The following DNAH5 variants were observed in gnomAD, a reference collection of about 807,000 sequenced individuals.
DNAH5 encodes the protein axonemal beta dynein heavy chain 5.
A neutral mutation model predicts 518.2 loss-of-function variants in DNAH5; 372 were observed. That is an observed-to-expected ratio of 0.72 (90% CI 0.66 to 0.78). DNAH5 has a LOEUF of 0.78. Ranked by LOEUF, DNAH5 falls within the 30% of genes least tolerant of loss-of-function variation. The pLI is 0.00. For synonymous variants in DNAH5, 2,039 were observed against 2,025.9 expected (o/e 1.01, Z -0.17); for missense variants, 5,523 against 5,687.0 (o/e 0.97, Z 0.93).
intron 1 of DNAH5, among the ~76,000 whole-genome samples, chr5:13,999,879 T>C (rs1378325570): frequency 3.3e-5 from 5 of 152,248 alleles, no homozygotes; most frequent in African/African-American, 9.6e-5. Context: ...TGCTGTTTTA[T>C]GATAGCCATC....
chr5:14,009,431 A>T (rs1581168940), intron 1 of DNAH5, among the ~76,000 whole-genome samples: 2 of 152,242 alleles, frequency 1.3e-5, no homozygotes, highest in South Asian at 4.1e-4. Context: ...ACATTCTGTG[A>T]AAGTGACATT....
intron 55 of DNAH5, among the ~76,000 whole-genome samples, chr5:13,775,939 A>G (rs1250053720): frequency 2.0e-5 from 3 of 151,712 alleles, no homozygotes; most frequent in Non-Finnish European, 4.4e-5. Flanking sequence ...TTTCTTTTAA[A>G]ATATCAACAG....
rs1740667166 is a variant in DNAH5 at position 13,691,276 on chromosome 5, G to A, written c.*708C>T. 6.6e-6 allele frequency: 1 copy of A among 152,136 alleles called. No individual in the cohort carries two copies. Among genetic ancestry groups the A allele is most frequent in the Non-Finnish European group, 1.5e-5 (1 of 68,022 alleles). The allele number at this position is 152,136 out of a possible 1,614,324, so 9.4% of individuals were successfully genotyped here. A position where few individuals can be genotyped will look rare whatever the true frequency, so the allele number is the denominator to read the frequency against. ...TTTAATCATTTTACAAAAAGGTTGG[G>A]TTGATTTACATTGCTCCAGCAATTT... is the stretch of plus-strand genomic sequence containing the variant. On this transcript the variant is annotated 3_prime_UTR_variant, in exon 79 of 79. Transcript: ENST00000265104.
chr5:13,806,913 A>G (rs1040492512), intron 47 of DNAH5, among the ~76,000 whole-genome samples: 1 of 152,188 alleles, frequency 6.6e-6, no homozygotes, highest in Admixed American at 6.5e-5. Context: ...CCTTGTTGCA[A>G]TTGAGCATGG....
chr5:13,803,942 G>A (rs1037280714), intron 47 of DNAH5, among the ~76,000 whole-genome samples: 1 of 152,142 alleles, frequency 6.6e-6, no homozygotes, highest in East Asian at 1.9e-4. Context: ...CTATTGCTAT[G>A]CAACCATTTG....
rs753059490 is a variant in DNAH5, at chr5:13,944,365, A to G, written c.57+17T>C. The G allele has an allele frequency of 3.1e-6, 5 of 1,611,234 alleles. No individual in the cohort carries two copies. Among genetic ancestry groups the G allele is most frequent in the Non-Finnish European group, 4.2e-6 (5 of 1,177,594 alleles). ...ATCCAAAACACACATGCAAAGGTAC[A>G]GACAACAGCACCTTACCGTTAAAAC... On this transcript the variant is annotated intron_variant, in intron 1 of 78. Coordinates refer to ENST00000265104, the MANE Select transcript of DNAH5 (RefSeq NM_001369.3).
rs1266530099 is a variant in DNAH5, at chr5:13,786,087, C to T, written c.8820+92G>A. 3 of 1,299,782 alleles carry T rather than the reference C, an allele frequency of 2.3e-6. No individual in the cohort carries two copies. In the African/African-American group the frequency reaches 4.4e-5, roughly 19 times the overall value. 80.5% of individuals were successfully genotyped at this position (1,299,782 alleles called of 1,614,324 possible). On this transcript the variant is annotated intron_variant, in intron 52 of 78. Transcript: ENST00000265104. ...GTCTAATTTTAAACTGAAGATTCTC[C>T]TAGGAAATGAAAATAAGAGAGGGAG...
At chr5:13,920,138 G>A (rs1777096623) in intron 6 of DNAH5, among the ~76,000 whole-genome samples, 1 of 152,180 alleles carries the variant, frequency 6.6e-6, no homozygotes, top group Non-Finnish European at 1.5e-5. Context: ...TGTTTAAGGT[G>A]AAGTCTCAAG....
intron 1 of DNAH5, among the ~76,000 whole-genome samples, chr5:13,964,676 G>A (rs926851508): frequency 6.6e-6 from 1 of 152,208 alleles, no homozygotes; most frequent in Non-Finnish European, 1.5e-5. Flanking sequence ...CCATGGCAGT[G>A]GCCATAGGGT....
In DNAH5 at chr5:13,894,726, G is replaced by T. The variant is rs112238091; in HGVS notation, c.2355C>A (p.Leu785=). Residue 785 remains leucine (L), a synonymous_variant, in exon 16 of 79, where the codon CTC becomes CTA. Transcript: ENST00000265104. ...VPHLAKVDEA[L]QPGLAALTWT... is the part of the protein sequence containing the mutation. Reference sequence around the variant, plus strand: ...AGGTCAGTGCAGCCAAGCCAGGTTGGAGAGCTTCATCCACTTTGGCCAAGT... The same window carrying T: ...AGGTCAGTGCAGCCAAGCCAGGTTGTAGAGCTTCATCCACTTTGGCCAAGT... The T allele has an allele frequency of 6.2e-7, 1 of 1,614,152 alleles. No homozygotes were observed.
At position 13,911,459 on chromosome 5, in the gene DNAH5, T is replaced by C. The variant is rs1412141231; in HGVS notation, c.1571A>G (p.Asn524Ser). 3 of 1,613,862 alleles carry C rather than the reference T, an allele frequency of 1.9e-6. No individual in the cohort carries two copies. Among genetic ancestry groups the C allele is most frequent in the Admixed American group, 3.3e-5 (2 of 60,010 alleles). ...ATCCATTTTCCGCTGGTCTAGGAAA[T>C]TGTATTCCTTTTTCTTTATGGTTGC... ...IVATIKKKEY[N>S]FLDQRKMDFD... The change falls in exon 12 of 79, where the codon AAT becomes AGT. Residue 524 changes from asparagine (N) to serine (S), a missense_variant. Transcript: ENST00000265104.
At chr5:13,831,985 C>G (rs565105130) in intron 35 of DNAH5, among the ~76,000 whole-genome samples, 4 of 152,138 alleles carry the variant, frequency 2.6e-5, no homozygotes, top group Non-Finnish European at 2.9e-5. Context: ...AGTCTTCTCA[C>G]TTTCCAGCTC....
chr5:13,746,596 A>C (rs1417154597), intron 65 of DNAH5, among the ~76,000 whole-genome samples: 1 of 152,022 alleles, frequency 6.6e-6, no homozygotes, highest in Non-Finnish European at 1.5e-5. Context: ...TGGGGTAGTG[A>C]CTCTTAAACC....
At chr5:13,759,558 C>T (rs987501947) in intron 60 of DNAH5, among the ~76,000 whole-genome samples, 2 of 152,136 alleles carry the variant, frequency 1.3e-5, no homozygotes, top group Non-Finnish European at 2.9e-5. Flanking sequence ...TTTTGTGTAT[C>T]GTGGTGGTCT....
intron 22 of DNAH5, among the ~76,000 whole-genome samples, chr5:13,872,206 A>G (rs888333362): frequency 2.0e-5 from 3 of 152,170 alleles, no homozygotes; most frequent in Non-Finnish European, 2.9e-5. Flanking sequence ...GGAAGCCTCA[A>G]TGGGAATCTA....
At position 13,814,783 on chromosome 5, in the gene DNAH5, G is replaced by C; in HGVS notation, c.7052C>G (p.Ser2351Cys). 6.2e-7 allele frequency: 1 copy of C among 1,613,836 alleles called. No homozygotes were observed. The highest frequency in any genetic ancestry group is 8.5e-7 in the Non-Finnish European group (1 of 1,179,938). The change falls in exon 43 of 79, where the codon TCT (serine) becomes TGT (cysteine). Residue 2351 changes from serine to cysteine, a missense_variant. Ser to Cys is a moderately radical substitution (Grantham distance 112). This residue lies in a region of DNAH5 where 5,121 missense variants were observed against 5,223.3 expected (regional missense o/e 0.98). Transcript: ENST00000265104. ...TAGAGTTTTGTTATCATCCAAAACA[G>C]AATTCAGATTTTCAATCCAGATGGC... is the stretch of plus-strand genomic sequence containing the variant. The part of the protein sequence containing the change: ...VDAIWIENLN[S>C]VLDDNKTLTL...
intron 7 of DNAH5, 93 bp downstream of exon 7, chr5:13,919,083 A>G: frequency 6.8e-7 from 1 of 1,467,478 alleles, no homozygotes; most frequent in Non-Finnish European, 9.5e-7. Flanking sequence ...AGGTATAATA[A>G]CATTTTTTTG....
At chr5:13,906,925 T>C (rs1021070667) in intron 12 of DNAH5, among the ~76,000 whole-genome samples, 1 of 148,670 alleles carries the variant, frequency 6.7e-6, no homozygotes, top group Non-Finnish European at 1.5e-5. Context: ...TGAAGAAAGG[T>C]AAAAATAACA....
intron 1 of DNAH5, among the ~76,000 whole-genome samples, chr5:13,951,063 G>A (rs1780355205): frequency 6.6e-6 from 1 of 151,894 alleles, no homozygotes; most frequent in Admixed American, 6.6e-5. Flanking sequence ...AGGAGCTGAT[G>A]GTCTTCACAT....
Sources: gnomAD v4.1 joint callset for allele counts (sites outside exome capture counted in the v4.1 genomes callset) on GRCh38, gnomAD v4.1.1 for gene constraint, gnomAD v4.1.1 regional missense constraint, MANE v1.5 for transcripts, NCBI Gene and HGNC (gene_info 2026-07-23, HGNC 2026-07-21) for gene names.